The following CDH23 variants were observed in gnomAD, a reference collection of about 807,000 sequenced individuals.
The protein encoded by CDH23 is cadherin related 23, also known as cadherin-23.
Under a neutral mutation model 317.1 loss-of-function variants are expected in CDH23, and 189 were observed. The ratio of observed to expected loss-of-function variants is 0.60; its 90% CI spans 0.53 to 0.67. CDH23 has a LOEUF of 0.67. Among genes scored for constraint, CDH23 ranks in the 30% least tolerant of loss-of-function variants. The pLI is 0.00. For missense variants in CDH23, 4,401 were observed against 4,592.4 expected (o/e 0.96, Z 1.20); for synonymous variants, 1,839 against 1,876.8 (o/e 0.98, Z 0.52).
At chr10:71,737,875 T>G in intron 34 of CDH23, 1 of 450,458 alleles carries the variant, frequency 2.2e-6, no homozygotes, top group Non-Finnish European at 4.5e-6. Context: ...GCATGCCCGG[T>G]TTTTATTTGA....
intron 11 of CDH23, among the ~76,000 whole-genome samples, chr10:71,628,037 C>T (rs74464767): frequency 0.015 from 2,291 of 152,304 alleles, 52 homozygotes; most frequent in African/African-American, 0.053. Context: ...ATTGGCCACC[C>T]CACCTCATAC....
chr10:71,742,040 TCCTTTAGTCCATCTG>T lies in CDH23; in HGVS notation c.4845+137_4845+151del, dbSNP rs540531133. Reference sequence around the variant, plus strand: ...ACACAGCAGGCGAATCCTTGACAACTCCTTTAGTCCATCTGCCTTTAGTCCATCTGCCCAAGATGG... The same window carrying T: ...ACACAGCAGGCGAATCCTTGACAACTCCTTTAGTCCATCTGCCCAAGATGG... On this transcript the variant is annotated intron_variant, in intron 38 of 69. Coordinates refer to ENST00000224721, the MANE Select transcript of CDH23 (RefSeq NM_022124.6). The T allele has an allele frequency of 3.0e-4, 250 of 830,684 alleles. No homozygotes were observed. In the African/African-American group the frequency reaches 3.5e-3, roughly 12 times the overall value. 51.5% of individuals were successfully genotyped at this position (830,684 alleles called of 1,614,324 possible). A position where few individuals can be genotyped will look rare whatever the true frequency, so the allele number is the denominator to read the frequency against.
At chr10:71,710,489 G>A (rs965091473) in intron 27 of CDH23, among the ~76,000 whole-genome samples, 19 of 152,340 alleles carry the variant, frequency 1.2e-4, no homozygotes, top group Non-Finnish European at 2.1e-4. Flanking sequence ...GGCCAGCAGG[G>A]CCTGCTGGTG....
At chr10:71,554,149 G>A (rs182688415) in intron 6 of CDH23, among the ~76,000 whole-genome samples, 9 of 152,314 alleles carry the variant, frequency 5.9e-5, no homozygotes, top group Middle Eastern at 3.4e-3. Context: ...TCTCCCATAA[G>A]CCTCACTGTA....
intron 34 of CDH23, among the ~76,000 whole-genome samples, chr10:71,734,959 C>T (rs763829505): frequency 2.6e-5 from 4 of 152,250 alleles, no homozygotes; most frequent in African/African-American, 4.8e-5. Flanking sequence ...CTCCACTCCT[C>T]GATGGCTGTG....
chr10:71,582,209 G>T (rs894246094), intron 9 of CDH23, among the ~76,000 whole-genome samples: 5 of 152,170 alleles, frequency 3.3e-5, no homozygotes, highest in South Asian at 2.1e-4. Context: ...CTCTGGAGCC[G>T]CTGTCCATGG....
chr10:71,667,197 T>C (rs1026527367), intron 14 of CDH23, among the ~76,000 whole-genome samples: 1 of 150,842 alleles, frequency 6.6e-6, no homozygotes, highest in Non-Finnish European at 1.5e-5. Context: ...GTGACGGGAG[T>C]GTGGGCGCTG....
chr10:71,735,462 A>G (rs1434626328), intron 34 of CDH23, among the ~76,000 whole-genome samples: 3 of 152,038 alleles, frequency 2.0e-5, no homozygotes, highest in Admixed American at 1.3e-4. Flanking sequence ...AGGGCCAGCT[A>G]CCTGAGAGAG....
intron 6 of CDH23, among the ~76,000 whole-genome samples, chr10:71,530,285 G>A (rs563871733): frequency 6.6e-6 from 1 of 152,174 alleles, no homozygotes; most frequent in Non-Finnish European, 1.5e-5. Flanking sequence ...GGCCAGGCTG[G>A]GTGAGGAGAG....
At chr10:71,756,029 T>G (rs1840137124) in intron 38 of CDH23, among the ~76,000 whole-genome samples, 1 of 152,222 alleles carries the variant, frequency 6.6e-6, no homozygotes, top group African/African-American at 2.4e-5. Flanking sequence ...TCCTTAGCTC[T>G]GGGATGGGGC....
chr10:71,802,134 C>G (rs1159919929), intron 53 of CDH23, among the ~76,000 whole-genome samples: 1 of 152,144 alleles, frequency 6.6e-6, no homozygotes, highest in Non-Finnish European at 1.5e-5. Flanking sequence ...ATGGTGAAAA[C>G]CCATCTCTAC....
At chr10:71,581,497 G>A (rs1228609305) in intron 9 of CDH23, among the ~76,000 whole-genome samples, 1 of 152,208 alleles carries the variant, frequency 6.6e-6, no homozygotes, top group Non-Finnish European at 1.5e-5. Context: ...TCCCCTCCAG[G>A]CTGTTTATCA....
chr10:71,411,231 C>A (rs1475650618), intron 1 of CDH23, among the ~76,000 whole-genome samples: 5 of 152,274 alleles, frequency 3.3e-5, no homozygotes, highest in East Asian at 1.9e-4. Context: ...GGAAAATTGA[C>A]ATCTTTACAA....
intron 6 of CDH23, among the ~76,000 whole-genome samples, chr10:71,522,580 G>A (rs1465098411): frequency 2.6e-5 from 4 of 152,242 alleles, no homozygotes; most frequent in African/African-American, 7.2e-5. Flanking sequence ...AATGCATGTG[G>A]TGCTGACACA....
intron 11 of CDH23, among the ~76,000 whole-genome samples, chr10:71,620,844 G>T (rs1861432460): frequency 6.6e-6 from 1 of 152,228 alleles, no homozygotes; most frequent in African/African-American, 2.4e-5. Flanking sequence ...CCCTCATGTG[G>T]CACCGGGCTC....
At chr10:71,712,266 A>C in intron 27 of CDH23, 1 of 176,984 alleles carries the variant, frequency 5.7e-6, no homozygotes, top group Non-Finnish European at 1.2e-5. Context: ...TCCTTAACGT[A>C]ATTACATTTT....
intron 9 of CDH23, 41 bp from the exon 10 acceptor site, chr10:71,615,463 C>G (rs1861128770): frequency 7.2e-7 from 1 of 1,394,170 alleles, no homozygotes. Flanking sequence ...TGCCCCCCTG[C>G]CCTGTGCCTG....
chr10:71,427,203 A>C (rs1849125487), intron 1 of CDH23, among the ~76,000 whole-genome samples: 1 of 70,830 alleles, frequency 1.4e-5, no homozygotes, highest in Non-Finnish European at 3.0e-5. Flanking sequence ...AAGAGAAAGA[A>C]AGAAAGAAAG....
intron 3 of CDH23, among the ~76,000 whole-genome samples, chr10:71,459,806 A>G (rs1383822351): frequency 6.6e-6 from 1 of 152,192 alleles, no homozygotes. Flanking sequence ...GGCCAGCCCC[A>G]GAGCTCCCTG....
Sources: gnomAD v4.1 joint callset for allele counts (sites outside exome capture counted in the v4.1 genomes callset) on GRCh38, gnomAD v4.1.1 for gene constraint, MANE v1.5 for transcripts, NCBI Gene and HGNC (gene_info 2026-07-23, HGNC 2026-07-21) for gene names.